Variants in PLCL1 observed in about 807,000 individuals in gnomAD.
PLCL1 encodes the protein phospholipase C like 1 (inactive).
PLCL1 carries 41 observed loss-of-function variants against 84.4 expected under a neutral mutation model. That is an observed-to-expected ratio of 0.49 (90% confidence interval 0.38 to 0.63). The LOEUF (loss-of-function observed/expected upper bound fraction) is 0.63. Ranked by LOEUF, PLCL1 falls within the 30% of genes least tolerant of loss-of-function variation. PLCL1 has a pLI of 0.00. For synonymous variants in PLCL1, 490 were observed against 488.3 expected, an observed-to-expected ratio of 1.00 and a Z score of -0.05; for missense variants, 1,206 against 1,367.8, an observed-to-expected ratio of 0.88 and a Z score of 1.87.
intron 1 of PLCL1, among the ~76,000 whole-genome samples, chr2:197,865,586 A>G (rs529656008): frequency 3.5e-4 from 54 of 152,314 alleles, no homozygotes; most frequent in Non-Finnish European, 6.6e-4. Flanking sequence ...CTTTTTATAA[A>G]TCTTTAAAAA....
rs1692799548 is a variant in PLCL1 at position 198,084,354 on chromosome 2, G to A, written c.837G>A (p.Lys279=). ...TCAACCCTACTCTGAAGGAAGCCAA[G>A]ATCAGGTTAAAGTTTAAAGAAATCC... is the stretch of plus-strand genomic sequence containing the variant. The part of the protein sequence containing the change: ...KQLNPTLKEA[K]IRLKFKEIQK... The change falls in exon 2 of 6, where the codon AAG becomes AAA. Residue 279 remains lysine, a synonymous_variant. Coordinates refer to ENST00000428675, the MANE Select transcript of PLCL1 (RefSeq NM_006226.4). 10 of 1,613,988 alleles carry A rather than the reference G, an allele frequency of 6.2e-6. No individual in the cohort carries two copies. Among genetic ancestry groups the A allele is most frequent in the Non-Finnish European group, 8.5e-6 (10 of 1,179,990 alleles).
rs974203735 is a variant in PLCL1, at chr2:198,139,096, T to C, written c.3106-7684T>C. Among the ~76,000 whole-genome samples, 48 of 151,924 alleles carry C rather than the reference T, an allele frequency of 3.2e-4. 1 individual carries two copies. The highest frequency in any genetic ancestry group is 1.1e-3 in the African/African-American group (47 of 41,364). ...CTTGAACCCAGGATGTGGAGGTTGCTGTGAGCCAAGATCGCACCATTGCAC... is the reference window on the plus strand; with the variant it reads ...CTTGAACCCAGGATGTGGAGGTTGCCGTGAGCCAAGATCGCACCATTGCAC... On this transcript the variant is annotated intron_variant, in intron 5 of 5. Coordinates refer to ENST00000428675, the MANE Select transcript of PLCL1 (RefSeq NM_006226.4).
intron 1 of PLCL1, among the ~76,000 whole-genome samples, chr2:198,054,249 T>G (rs559256055): frequency 1.3e-5 from 2 of 152,354 alleles, no homozygotes; most frequent in Admixed American, 6.5e-5. Context: ...AGTCCAATAT[T>G]TATTGATTTT....
rs561653430 is a variant in PLCL1, at chr2:197,908,185, G to A, written c.240+102846G>A. ...GCTTAAGAGAAAAAATAAGGATTTA[G>A]TTTTGAACGAGAGAATTTGAGCAAC... On this transcript the variant is annotated intron_variant, in intron 1 of 5. Coordinates refer to ENST00000428675, the MANE Select transcript of PLCL1 (RefSeq NM_006226.4). Among the ~76,000 whole-genome samples, 10 of 152,292 alleles carry A rather than the reference G, an allele frequency of 6.6e-5. No individual in the cohort carries two copies. The South Asian group carries it at 1.0e-3, about 16-fold the overall frequency.
At chr2:198,044,286 C>G (rs1013736555) in intron 1 of PLCL1, among the ~76,000 whole-genome samples, 18 of 152,150 alleles carry the variant, frequency 1.2e-4, no homozygotes, top group African/African-American at 2.4e-5. Flanking sequence ...GTTACTGAAA[C>G]CTGCCATCCA....
At chr2:198,144,260 A>G (rs534305090) in intron 5 of PLCL1, among the ~76,000 whole-genome samples, 5 of 152,330 alleles carry the variant, frequency 3.3e-5, no homozygotes, top group African/African-American at 1.2e-4. Context: ...AAAATTCTTG[A>G]TGAAACTTTC....
chr2:198,128,853 A>G (rs2105934368), intron 5 of PLCL1, among the ~76,000 whole-genome samples: 1 of 152,322 alleles, frequency 6.6e-6, no homozygotes, highest in East Asian at 1.9e-4. Context: ...AGATGGAGTC[A>G]TTTAAGTTGG....
chr2:197,832,968 G>T (rs992485385), intron 1 of PLCL1, among the ~76,000 whole-genome samples: 1 of 152,176 alleles, frequency 6.6e-6, no homozygotes, highest in East Asian at 1.9e-4. Context: ...GGTGGCTCAC[G>T]CCTGTGATCC....
chr2:197,988,081 G>A (rs775143783), intron 1 of PLCL1, among the ~76,000 whole-genome samples: 36 of 152,082 alleles, frequency 2.4e-4, no homozygotes, highest in Non-Finnish European at 4.6e-4. Flanking sequence ...GGGATGAGTG[G>A]ATGCAGGAGT....
intron 1 of PLCL1, among the ~76,000 whole-genome samples, chr2:197,901,479 TC>T (rs1254523467): frequency 6.6e-6 from 1 of 152,148 alleles, no homozygotes; most frequent in Admixed American, 6.5e-5. Context: ...CATGAGATTT[TC>T]CGATGAAGTA....
chr2:198,085,575 T>C lies in PLCL1; in HGVS notation c.2058T>C (p.Leu686=). The C allele has an allele frequency of 1.2e-6, 2 of 1,614,108 alleles. No individual in the cohort carries two copies. Residue 686 remains leucine (L), a synonymous_variant, in exon 2 of 6, where the codon CTT becomes CTC. Transcript: ENST00000428675. The surrounding 1 kb of genome is among the most constrained non-coding windows in gnomAD (Gnocchi z 5.3). ...PMMDLHTGWF[L]QNGGCGYVLR... ...TGGACCTTCACACGGGCTGGTTTCT[T>C]CAAAACGGGGGATGTGGTTATGTTC...
intron 1 of PLCL1, among the ~76,000 whole-genome samples, chr2:197,853,729 TTC>T (rs1439316795): frequency 6.6e-6 from 1 of 152,138 alleles, no homozygotes; most frequent in East Asian, 1.9e-4. Flanking sequence ...AAGGGCTGCC[TTC>T]TCTAGGAAGT....
chr2:198,021,316 C>T (rs1466536468), intron 1 of PLCL1, among the ~76,000 whole-genome samples: 1 of 151,910 alleles, frequency 6.6e-6, no homozygotes, highest in Admixed American at 6.6e-5. Context: ...AAATCAGCAC[C>T]CTAACATCAC....
At chr2:198,055,125 G>T (rs1047628005) in intron 1 of PLCL1, among the ~76,000 whole-genome samples, 8 of 152,036 alleles carry the variant, frequency 5.3e-5, no homozygotes, top group Non-Finnish European at 1.2e-4. Context: ...TCTTAGTCAC[G>T]TTGTACAGGT....
chr2:197,881,035 G>A (rs1182935669), intron 1 of PLCL1, among the ~76,000 whole-genome samples: 1 of 152,144 alleles, frequency 6.6e-6, no homozygotes, highest in African/African-American at 2.4e-5. Flanking sequence ...GGGACTCTGT[G>A]GTTCTCCTTC....
At chr2:198,124,407 T>A (rs1331004356) in intron 5 of PLCL1, among the ~76,000 whole-genome samples, 4 of 152,160 alleles carry the variant, frequency 2.6e-5, no homozygotes, top group African/African-American at 9.7e-5. Flanking sequence ...CAGAAAAGTC[T>A]TGTTAAAATG....
At chr2:197,826,666 CTA>C (rs1264099759) in intron 1 of PLCL1, among the ~76,000 whole-genome samples, 2 of 152,252 alleles carry the variant, frequency 1.3e-5, no homozygotes, top group East Asian at 3.9e-4. Flanking sequence ...CATGACAAGA[CTA>C]TATTTGCAAT....
Position 197,993,733 on chromosome 2 carries a change from C to T in PLCL1, c.241-90025C>T, listed in dbSNP as rs1400082049. Among the ~76,000 whole-genome samples the T allele has an allele frequency of 2.0e-5, 3 of 152,162 alleles. No individual in the cohort carries two copies. The East Asian group carries it at 5.8e-4, about 29-fold the overall frequency. On this transcript the variant is annotated intron_variant, in intron 1 of 5. Transcript: ENST00000428675. ...GGAGAAAACTGGGGGGATAAATACC[C>T]CATTCTCTCTCCCCTTCCTTGTTCT...
chr2:197,985,026 T>G (rs571502422), intron 1 of PLCL1, among the ~76,000 whole-genome samples: 3 of 152,138 alleles, frequency 2.0e-5, no homozygotes, highest in Non-Finnish European at 4.4e-5. Context: ...CATTTTTTAA[T>G]GCAAGTTTAA....
Sources: allele counts gnomAD v4.1 joint callset (sites outside exome capture counted in the v4.1 genomes callset), GRCh38; gene constraint gnomAD v4.1.1; non-coding constraint Gnocchi (gnomAD v3.1); transcripts MANE v1.5; gene names NCBI Gene and HGNC (gene_info 2026-07-23, HGNC 2026-07-21).